Variants in NRG1 observed in about 807,000 individuals in gnomAD.
The protein encoded by NRG1 is neuregulin 1, also known as pro-neuregulin-1, membrane-bound isoform.
A neutral mutation model predicts 63.8 loss-of-function variants in NRG1; 18 were observed. The ratio of observed to expected loss-of-function variants is 0.28; its 90% CI spans 0.19 to 0.42. NRG1 has a LOEUF of 0.42. Among genes scored for constraint, NRG1 ranks in the 10% least tolerant of loss-of-function variants. The pLI, the probability that NRG1 is intolerant of heterozygous loss-of-function variation, is 1.00. For synonymous variants in NRG1, 302 were observed against 301.3 expected (o/e 1.00, Z -0.02); for missense variants, 762 against 814.7 (o/e 0.94, Z 0.79).
chr8:32,049,678 T>C (rs948884903), intron 1 of NRG1, among the ~76,000 whole-genome samples: 1 of 152,152 alleles, frequency 6.6e-6, no homozygotes, highest in Non-Finnish European at 1.5e-5. Flanking sequence ...ATTGGGTGTG[T>C]ATAAAACATC....
At chr8:32,608,929 C>T (rs1845811448) in intron 3 of NRG1, among the ~76,000 whole-genome samples, 1 of 152,182 alleles carries the variant, frequency 6.6e-6, no homozygotes, top group African/African-American at 2.4e-5. Flanking sequence ...TGAAATTCCG[C>T]AGACCAAGAA....
At chr8:31,879,264 G>A (rs1432476198) in intron 1 of NRG1, among the ~76,000 whole-genome samples, 1 of 152,156 alleles carries the variant, frequency 6.6e-6, no homozygotes, top group Non-Finnish European at 1.5e-5. Context: ...TTATTCCAAT[G>A]AAAGATAACT....
At chr8:32,246,113 A>G (rs2129469994) in intron 1 of NRG1, among the ~76,000 whole-genome samples, 1 of 152,300 alleles carries the variant, frequency 6.6e-6, no homozygotes, top group African/African-American at 2.4e-5. Flanking sequence ...TAATGAGAAT[A>G]CTCAGTAAGA....
intron 1 of NRG1, among the ~76,000 whole-genome samples, chr8:31,689,067 ACT>A (rs966992000): frequency 5.9e-5 from 9 of 151,884 alleles, no homozygotes; most frequent in East Asian, 1.9e-4. Flanking sequence ...TCTCTATCTA[ACT>A]CTCTCTTCCG....
intron 1 of NRG1, among the ~76,000 whole-genome samples, chr8:32,513,993 C>A (rs1463186868): frequency 2.6e-5 from 4 of 152,124 alleles, no homozygotes; most frequent in Non-Finnish European, 5.9e-5. Context: ...TGTTGTTGTA[C>A]TGATTAGCAA....
At position 32,158,616 on chromosome 8, in the gene NRG1, C is replaced by T. The variant is rs532889647; in HGVS notation, c.38-437212C>T. 1.5e-4 allele frequency among the ~76,000 whole-genome samples: 22 copies of T among 151,378 alleles called. 1 individual carries two copies. The highest frequency in any genetic ancestry group is 5.1e-4 in the African/African-American group (21 of 41,320). ...TGGCCAAGAGATAAGAAAATAGCTG[C>T]CCCTCACCACCACAAACACATACAT... is the stretch of plus-strand genomic sequence containing the variant. On this transcript the variant is annotated intron_variant, in intron 1 of 10. Coordinates refer to the NRG1 transcript ENST00000519301.
At chr8:31,653,820 C>T (rs4590397) in intron 1 of NRG1, among the ~76,000 whole-genome samples, 103,182 of 152,064 alleles carry the variant, frequency 0.68, 36,003 homozygotes, top group Non-Finnish European at 0.75. Flanking sequence ...GGTCAGGCCA[C>T]ATTCACTCTG....
intron 1 of NRG1, among the ~76,000 whole-genome samples, chr8:32,391,789 A>G (rs940369234): frequency 5.3e-5 from 8 of 152,088 alleles, no homozygotes; most frequent in African/African-American, 1.9e-4. Flanking sequence ...GTTGATTCCT[A>G]TATATTTTTT....
intron 1 of NRG1, among the ~76,000 whole-genome samples, chr8:31,722,947 A>G (rs1353017418): frequency 6.6e-6 from 1 of 152,194 alleles, no homozygotes; most frequent in Non-Finnish European, 1.5e-5. Context: ...ATAAAGTCAT[A>G]GTGTTGAAAA....
At chr8:32,773,659 T>G (rs1831933772) in intron 7 of NRG1, among the ~76,000 whole-genome samples, 1 of 152,200 alleles carries the variant, frequency 6.6e-6, no homozygotes, top group Non-Finnish European at 1.5e-5. Context: ...CATCTGTCAC[T>G]AGGATCCATT....
At chr8:31,729,365 G>A (rs1025418439) in intron 1 of NRG1, among the ~76,000 whole-genome samples, 3 of 151,992 alleles carry the variant, frequency 2.0e-5, no homozygotes, top group African/African-American at 7.2e-5. Context: ...ATCTGCTTTG[G>A]CAAATACTTA....
chr8:32,695,648 G>A (rs1347266152), intron 5 of NRG1, among the ~76,000 whole-genome samples: 3 of 152,190 alleles, frequency 2.0e-5, no homozygotes, highest in East Asian at 3.9e-4. Context: ...GTTGCTTGAC[G>A]TTCACTGTGA....
chr8:32,589,694 C>T (rs1444380233), intron 1 of NRG1, among the ~76,000 whole-genome samples: 6 of 152,180 alleles, frequency 3.9e-5, no homozygotes, highest in African/African-American at 1.4e-4. Flanking sequence ...ATCTCTGCAG[C>T]AGACACATGC....
At chr8:31,881,483 G>A (rs1485310042) in intron 1 of NRG1, among the ~76,000 whole-genome samples, 3 of 152,072 alleles carry the variant, frequency 2.0e-5, no homozygotes, top group African/African-American at 2.4e-5. Flanking sequence ...CTGAAATTAG[G>A]CAAATTCACA....
At chr8:31,811,156 G>C (rs529503822) in intron 1 of NRG1, among the ~76,000 whole-genome samples, 1 of 152,324 alleles carries the variant, frequency 6.6e-6, no homozygotes, top group Non-Finnish European at 1.5e-5. Context: ...CAGCCAACTA[G>C]ACCAGCTGTT....
intron 1 of NRG1, among the ~76,000 whole-genome samples, chr8:32,512,959 C>T (rs1232839009): frequency 6.6e-6 from 1 of 152,002 alleles, no homozygotes; most frequent in Non-Finnish European, 1.5e-5. Context: ...CTGGTTTTAA[C>T]TTTTTTGTTT....
intron 1 of NRG1, among the ~76,000 whole-genome samples, chr8:31,896,752 T>G (rs999476158): frequency 2.6e-5 from 4 of 152,240 alleles, no homozygotes; most frequent in African/African-American, 9.6e-5. Flanking sequence ...CTTCAAGACC[T>G]CAACCTAATT....
chr8:31,772,344 C>G (rs565352743), intron 1 of NRG1, among the ~76,000 whole-genome samples: 1 of 152,052 alleles, frequency 6.6e-6, no homozygotes, highest in South Asian at 2.1e-4. Context: ...TTCTGTTCTT[C>G]GTCACCAAGA....
chr8:32,645,010 T>C (rs4129812), intron 5 of NRG1, among the ~76,000 whole-genome samples: 1,558 of 152,244 alleles, frequency 0.01, 86 homozygotes, highest in Admixed American at 0.093. Flanking sequence ...TGCTGGTGTA[T>C]TGAGTATAAT....
Sources: allele counts gnomAD v4.1 joint callset (sites outside exome capture counted in the v4.1 genomes callset), GRCh38; gene constraint gnomAD v4.1.1; transcripts MANE v1.5; gene names NCBI Gene and HGNC (gene_info 2026-07-23, HGNC 2026-07-21).